The following IGFBP7 variants were observed in gnomAD, a reference collection of about 807,000 sequenced individuals.
IGFBP7 encodes insulin like growth factor binding protein 7.
IGFBP7 carries 31 observed loss-of-function variants against 29.4 expected under a neutral mutation model. The observed-to-expected ratio is 1.05, with a 90% CI of 0.79 to 1.42. The LOEUF (loss-of-function observed/expected upper bound fraction) is 1.42, where lower values mean the gene tolerates loss of function less well. IGFBP7 is among the 40% of genes most tolerant of loss of function. The probability of loss-of-function intolerance (pLI) is 0.00; values close to 1 mark genes in which losing one functional copy is unlikely to be tolerated. For synonymous variants in IGFBP7, 172 were observed against 174.9 expected, an observed-to-expected ratio of 0.98 and a Z score of 0.13; for missense variants, 393 against 395.5, an observed-to-expected ratio of 0.99 and a Z score of 0.05.
intron 1 of IGFBP7, among the ~76,000 whole-genome samples, chr4:57,100,071 C>CT (rs10669251): frequency 0.011 from 1,311 of 115,704 alleles, 82 homozygotes; most frequent in African/African-American, 0.034. Context: ...TCTTTTCTTT[C>CT]TTTTTTTTTT....
intron 1 of IGFBP7, among the ~76,000 whole-genome samples, chr4:57,043,892 G>A (rs982015777): frequency 5.3e-5 from 8 of 152,218 alleles, no homozygotes; most frequent in African/African-American, 1.9e-4. Context: ...GGGACCCCAA[G>A]GGTTTGGACA....
At chr4:57,089,246 A>G (rs752109872) in intron 1 of IGFBP7, among the ~76,000 whole-genome samples, 19 of 152,226 alleles carry the variant, frequency 1.2e-4, no homozygotes, top group Non-Finnish European at 2.2e-4. Flanking sequence ...TATAAAAATG[A>G]AAGTAGACTT....
At chr4:57,094,034 T>C (rs1021464714) in intron 1 of IGFBP7, among the ~76,000 whole-genome samples, 3 of 152,162 alleles carry the variant, frequency 2.0e-5, no homozygotes, top group African/African-American at 7.2e-5. Context: ...TTCCTGTGCA[T>C]TTTATTGGCT....
At chr4:57,078,039 T>C (rs1027032963) in intron 1 of IGFBP7, among the ~76,000 whole-genome samples, 3 of 152,192 alleles carry the variant, frequency 2.0e-5, no homozygotes, top group African/African-American at 7.2e-5. Flanking sequence ...ATGACTTTCA[T>C]GGTTCCTGTC....
At chr4:57,042,272 C>T (rs538824690) in intron 1 of IGFBP7, among the ~76,000 whole-genome samples, 22 of 152,168 alleles carry the variant, frequency 1.4e-4, no homozygotes, top group Non-Finnish European at 3.1e-4. Flanking sequence ...GGCCTGTGGG[C>T]CAAATCTGGC....
At chr4:57,049,335 A>G (rs1724444142) in intron 1 of IGFBP7, among the ~76,000 whole-genome samples, 1 of 152,116 alleles carries the variant, frequency 6.6e-6, no homozygotes. Context: ...ATATTGTACT[A>G]TATATTTTTT....
At chr4:57,032,809 T>C (rs1560487949) in intron 3 of IGFBP7, among the ~76,000 whole-genome samples, 1 of 152,240 alleles carries the variant, frequency 6.6e-6, no homozygotes, top group Non-Finnish European at 1.5e-5. Flanking sequence ...AGGTACACAT[T>C]ATCGGTTTAA....
At position 57,100,101 on chromosome 4, in the gene IGFBP7, C is replaced by T. The variant is rs1206777631; in HGVS notation, c.475+9776G>A. ...TTTTTTTTTTTTTGAGACAGCGTCTCACCTTGTCATCTAGGCTGGAGTGCA... is the reference window on the plus strand; with the variant it reads ...TTTTTTTTTTTTTGAGACAGCGTCTTACCTTGTCATCTAGGCTGGAGTGCA... On this transcript the variant is annotated intron_variant, in intron 1 of 4. Transcript: ENST00000295666. Among the ~76,000 whole-genome samples, 9 of 132,720 alleles carry T rather than the reference C, an allele frequency of 6.8e-5. 1 individual carries two copies. The highest frequency in any genetic ancestry group is 2.6e-4 in the African/African-American group (9 of 34,672). 87.1% of individuals were successfully genotyped at this position (132,720 alleles called of 152,430 possible).
Position 57,081,978 on chromosome 4 carries a change from C to G in IGFBP7, c.475+27899G>C, listed in dbSNP as rs1725381281. Among the ~76,000 whole-genome samples the G allele has an allele frequency of 2.0e-5, 3 of 152,034 alleles. No individual in the cohort carries two copies. The South Asian group carries it at 6.2e-4, about 32-fold the overall frequency. On this transcript the variant is annotated intron_variant, in intron 1 of 4. Transcript: ENST00000295666. The stretch of plus-strand genomic sequence containing the variant: ...TTGCATCCAACAGACTTTGGCTTAC[C>G]AGGTGAAAGGCACTGTTGTAGAACC...
At chr4:57,053,105 C>G (rs1160878878) in intron 1 of IGFBP7, among the ~76,000 whole-genome samples, 5 of 151,842 alleles carry the variant, frequency 3.3e-5, no homozygotes, top group African/African-American at 1.2e-4. Context: ...CAGCCCCTGC[C>G]TCCCAGGTTC....
chr4:57,078,089 TC>T (rs776342884), intron 1 of IGFBP7, among the ~76,000 whole-genome samples: 1 of 151,876 alleles, frequency 6.6e-6, no homozygotes, highest in East Asian at 1.9e-4. Context: ...GTTACTCTTT[TC>T]CCCCCTCAAC....
intron 1 of IGFBP7, 85 bp from the exon 2 acceptor site, chr4:57,041,018 G>C (rs933951833): frequency 2.3e-6 from 2 of 877,532 alleles, no homozygotes; most frequent in Non-Finnish European, 3.8e-6. Context: ...TAATAATTTT[G>C]TTTATGAGGC....
At chr4:57,091,062 A>C (rs1014217116) in intron 1 of IGFBP7, among the ~76,000 whole-genome samples, 3 of 152,200 alleles carry the variant, frequency 2.0e-5, no homozygotes, top group African/African-American at 7.2e-5. Context: ...ATGCTATGTT[A>C]GACAACTGCC....
chr4:57,083,134 C>T (rs777043687), intron 1 of IGFBP7, among the ~76,000 whole-genome samples: 2 of 152,110 alleles, frequency 1.3e-5, no homozygotes, highest in Non-Finnish European at 2.9e-5. Flanking sequence ...TGTCCCTATG[C>T]GTTAGCACTT....
At chr4:57,048,065 T>A (rs1418562116) in intron 1 of IGFBP7, among the ~76,000 whole-genome samples, 4 of 151,216 alleles carry the variant, frequency 2.6e-5, no homozygotes, top group African/African-American at 7.3e-5. Context: ...CCCCTTTTTT[T>A]TTTTGAGACG....
At chr4:57,059,792 T>C (rs1724757340) in intron 1 of IGFBP7, among the ~76,000 whole-genome samples, 1 of 151,942 alleles carries the variant, frequency 6.6e-6, no homozygotes, top group Non-Finnish European at 1.5e-5. Flanking sequence ...AAAAGAAAAA[T>C]GTCATCTAAT....
intron 1 of IGFBP7, among the ~76,000 whole-genome samples, chr4:57,061,491 G>A (rs755532501): frequency 1.8e-4 from 27 of 152,244 alleles, no homozygotes; most frequent in Non-Finnish European, 3.2e-4. Context: ...TGGAACACAA[G>A]CACTGTGATA....
chr4:57,083,062 T>A (rs2109787835), intron 1 of IGFBP7, among the ~76,000 whole-genome samples: 1 of 152,344 alleles, frequency 6.6e-6, no homozygotes, highest in Non-Finnish European at 1.5e-5. Flanking sequence ...TTTAAGAATA[T>A]TCCAGATGTT....
At chr4:57,095,899 C>T (rs1239444735) in intron 1 of IGFBP7, among the ~76,000 whole-genome samples, 2 of 152,128 alleles carry the variant, frequency 1.3e-5, no homozygotes, top group African/African-American at 2.4e-5. Context: ...GTTCCCCTTT[C>T]CAACAGGGCA....
Sources: allele counts gnomAD v4.1 joint callset (sites outside exome capture counted in the v4.1 genomes callset), GRCh38; gene constraint gnomAD v4.1.1; transcripts MANE v1.5; gene names NCBI Gene and HGNC (gene_info 2026-07-23, HGNC 2026-07-21).